EP300: variants seen among roughly 807,000 people sequenced by gnomAD.
The protein encoded by EP300 is EP300 lysine acetyltransferase.
A neutral mutation model predicts 264.0 loss-of-function variants in EP300; 31 were observed. That is an observed-to-expected ratio of 0.12 (90% CI 0.09 to 0.16). EP300 has a LOEUF of 0.16. Among genes scored for constraint, EP300 ranks in the 10% least tolerant of loss-of-function variants. The probability of loss-of-function intolerance (pLI) is 1.00; values close to 1 mark genes in which losing one functional copy is unlikely to be tolerated. For missense variants in EP300, 2,766 were observed against 3,052.9 expected (o/e 0.91, Z 2.21); for synonymous variants, 1,340 against 1,045.4 (o/e 1.28, Z -5.44).
At chr22:41,098,142 C>G (rs535865132) in intron 1 of EP300, among the ~76,000 whole-genome samples, 2 of 152,036 alleles carry the variant, frequency 1.3e-5, no homozygotes, top group African/African-American at 4.8e-5. Context: ...AATGCTATCC[C>G]TCTCCCCTCC....
chr22:41,132,389 G>C (rs1216632002), intron 6 of EP300, among the ~76,000 whole-genome samples: 3 of 145,230 alleles, frequency 2.1e-5, no homozygotes, highest in South Asian at 2.3e-4. Context: ...CCGGGTTCAA[G>C]CGAATCTCCT....
rs114310562 is a variant in EP300 at position 41,129,741 on chromosome 22, G to A, written c.1169-149G>A. The stretch of plus-strand genomic sequence containing the variant: ...TTTGCCTTTCTTGACTGTGAATTCT[G>A]AGTATTAATAGGAGCTACCTTATAG... On this transcript the variant is annotated intron_variant, in intron 4 of 30. Transcript: ENST00000263253. The A allele has an allele frequency of 6.7e-4, 424 of 636,064 alleles. 2 individuals carry two copies. In the African/African-American group the frequency reaches 7.3e-3, roughly 11 times the overall value. 39.4% of individuals were successfully genotyped at this position (636,064 alleles called of 1,614,324 possible). A position where few individuals can be genotyped will look rare whatever the true frequency, so the allele number is the denominator to read the frequency against.
At chr22:41,140,322 T>C in intron 9 of EP300, 65 bp downstream of exon 9, 2 of 1,102,102 alleles carry the variant, frequency 1.8e-6, no homozygotes, top group South Asian at 2.5e-5. Context: ...TTTATTCCTC[T>C]TTAGCATGTA....
chr22:41,148,774 A>G (rs2059026373), intron 12 of EP300: 2 of 522,448 alleles, frequency 3.8e-6, no homozygotes, highest in Non-Finnish European at 6.9e-6. Flanking sequence ...ATATTTGTGT[A>G]CCAAGAGAAT....
At chr22:41,141,840 C>G (rs1432532225) in intron 10 of EP300, among the ~76,000 whole-genome samples, 1 of 152,028 alleles carries the variant, frequency 6.6e-6, no homozygotes, top group Non-Finnish European at 1.5e-5. Context: ...CCACGCCTGT[C>G]TAATTTTTGT....
chr22:41,141,500 A>AATT (rs1195874247), intron 10 of EP300, among the ~76,000 whole-genome samples: 1 of 152,174 alleles, frequency 6.6e-6, no homozygotes, highest in Non-Finnish European at 1.5e-5. Context: ...AGAAAGCAAT[A>AATT]GCCTACATAC....
chr22:41,171,491 G>A (rs1322061695), intron 27 of EP300, among the ~76,000 whole-genome samples: 1 of 151,886 alleles, frequency 6.6e-6, no homozygotes, highest in Non-Finnish European at 1.5e-5. Flanking sequence ...CACACTACGA[G>A]AGCTAGCTGA....
At chr22:41,158,599 C>G (rs2059090563) in intron 19 of EP300, 99 bp downstream of exon 19, 2 of 974,954 alleles carry the variant, frequency 2.1e-6, no homozygotes, top group Non-Finnish European at 1.6e-6. Context: ...TCATGTGTAT[C>G]TTGCTTGAAG....
Position 41,140,268 on chromosome 22 carries a change from G to T in EP300, c.1878+11G>T. On this transcript the variant is annotated intron_variant, in intron 9 of 30. Transcript: ENST00000263253. ...TCTGCAAACAATCGAGTGAGTGTCT[G>T]GTTTTTTTCTATTAATAGCCAAGAT... 1 of 1,564,174 alleles carries T rather than the reference G, an allele frequency of 6.4e-7. No homozygotes were observed. Among genetic ancestry groups the T allele is most frequent in the Non-Finnish European group, 8.8e-7 (1 of 1,134,632 alleles).
At chr22:41,104,412 C>T (rs931934245) in intron 1 of EP300, among the ~76,000 whole-genome samples, 4 of 151,976 alleles carry the variant, frequency 2.6e-5, no homozygotes, top group African/African-American at 9.7e-5. Flanking sequence ...GCCTCAGCCT[C>T]CCAAGTAGCT....
intron 10 of EP300, among the ~76,000 whole-genome samples, chr22:41,142,304 T>G (rs1257750367): frequency 6.6e-6 from 1 of 152,182 alleles, no homozygotes; most frequent in East Asian, 1.9e-4. Flanking sequence ...GCTGAGAAGT[T>G]CATCTCTTTC....
In EP300 at chr22:41,176,534, C is replaced by T. The variant is rs1198479956; in HGVS notation, c.5061+6C>T. The T allele has an allele frequency of 1.4e-5, 23 of 1,613,524 alleles. No homozygotes were observed. The highest frequency in any genetic ancestry group is 1.9e-5 in the Non-Finnish European group (23 of 1,179,984). ...GGCACTGTACTGTCTGTGAGGTAGG[C>T]ACCGGGTTGTGGGAAGGAGGAGGTG... On this transcript the variant is annotated splice_donor_region_variant and intron_variant, in intron 30 of 30. Transcript: ENST00000263253.
intron 1 of EP300, among the ~76,000 whole-genome samples, chr22:41,105,467 C>G (rs1405076704): frequency 4.6e-5 from 7 of 151,666 alleles, no homozygotes; most frequent in Non-Finnish European, 1.0e-4. Context: ...GGTGCAGTCT[C>G]CACTCACTGC....
chr22:41,136,101 A>G (rs2058949128), intron 7 of EP300, among the ~76,000 whole-genome samples, 195 bp downstream of exon 7: 2 of 152,142 alleles, frequency 1.3e-5, no homozygotes, highest in Admixed American at 1.3e-4. Flanking sequence ...GCTCACTGCA[A>G]CCTCTGCCTC....
At chr22:41,176,586 C>T (rs2145514294) in intron 30 of EP300, 58 bp downstream of exon 30, 1 of 1,610,610 alleles carries the variant, frequency 6.2e-7, no homozygotes, top group Non-Finnish European at 8.5e-7. Context: ...TCTGAGGGGC[C>T]ATGCAGCCAC....
intron 14 of EP300, among the ~76,000 whole-genome samples, chr22:41,151,380 A>T (rs1180909330): frequency 1.3e-5 from 2 of 152,346 alleles, no homozygotes; most frequent in East Asian, 1.9e-4. Context: ...AGTTTATCTC[A>T]TTAGAATCTA....
chr22:41,098,799 T>C (rs1172944284), intron 1 of EP300, among the ~76,000 whole-genome samples: 1 of 152,176 alleles, frequency 6.6e-6, no homozygotes, highest in Non-Finnish European at 1.5e-5. Context: ...ATTTATTAAC[T>C]GTGAACTTTG....
intron 18 of EP300, among the ~76,000 whole-genome samples, chr22:41,157,667 G>A (rs759275568): frequency 4.6e-5 from 7 of 151,790 alleles, no homozygotes; most frequent in African/African-American, 1.2e-4. Flanking sequence ...ACAGCCGTAC[G>A]CCACCATGCC....
Position 41,166,238 on chromosome 22 carries a change from C to A in EP300, c.3807-361C>A, listed in dbSNP as rs141401045. ...TCATGTGCATTTGCAGTAGCTGAAT[C>A]TATTGGTTCTACTCTCAAAATGTAC... On this transcript the variant is annotated intron_variant, in intron 22 of 30. Transcript: ENST00000263253. 2.6e-5 allele frequency among the ~76,000 whole-genome samples: 4 copies of A among 152,314 alleles called. No homozygotes were observed. In the East Asian group the frequency reaches 7.7e-4, roughly 29 times the overall value.
Sources: gnomAD v4.1 joint callset for allele counts (sites outside exome capture counted in the v4.1 genomes callset) on GRCh38, gnomAD v4.1.1 for gene constraint, MANE v1.5 for transcripts, NCBI Gene and HGNC (gene_info 2026-07-23, HGNC 2026-07-21) for gene names.